The following GCC2 variants were observed in gnomAD, a reference collection of about 807,000 sequenced individuals.
The protein encoded by GCC2 is GRIP and coiled-coil domain-containing protein 2.
Under a neutral mutation model 210.6 loss-of-function variants are expected in GCC2, and 120 were observed. That is an observed-to-expected ratio of 0.57 (90% confidence interval 0.49 to 0.66). GCC2 has a LOEUF of 0.66. Ranked by LOEUF, GCC2 falls within the 30% of genes least tolerant of loss-of-function variation. The pLI is 0.00. For synonymous variants in GCC2, 703 were observed against 652.7 expected (o/e 1.08, Z -1.17); for missense variants, 1,868 against 1,871.9 (o/e 1.00, Z 0.04).
intron 20 of GCC2, 166 bp downstream of exon 20, chr2:108,495,651 G>C (rs972784908): frequency 2.9e-5 from 13 of 444,852 alleles, no homozygotes; most frequent in Admixed American, 7.4e-5. Flanking sequence ...GAACTAATTG[G>C]ATGGTTGGAT....
chr2:108,456,599 G>A (rs1165903965), intron 4 of GCC2, among the ~76,000 whole-genome samples: 1 of 151,946 alleles, frequency 6.6e-6, no homozygotes, highest in African/African-American at 2.4e-5. Flanking sequence ...GTCCCATATT[G>A]GATGAGTAGA....
chr2:108,465,304 C>T (rs1305053666), intron 4 of GCC2, among the ~76,000 whole-genome samples: 1 of 152,218 alleles, frequency 6.6e-6, no homozygotes, highest in Non-Finnish European at 1.5e-5. Flanking sequence ...TAATCAGCCA[C>T]CTTTTGAAGC....
intron 22 of GCC2, 157 bp from the exon 23 acceptor site, chr2:108,507,403 G>GA (rs1207945824): frequency 2.4e-4 from 84 of 353,296 alleles, no homozygotes; most frequent in East Asian, 1.7e-3. Flanking sequence ...CAAAAAAAAA[G>GA]AACCCCCCCC....
chr2:108,490,127 AT>A, intron 18 of GCC2, 113 bp downstream of exon 18: 1 of 767,726 alleles, frequency 1.3e-6, no homozygotes, highest in Non-Finnish European at 1.9e-6. Context: ...AAAAATAGAC[AT>A]TTCTAAAGGC....
rs1452090498 is a variant in GCC2 at position 108,470,148 on chromosome 2, G to C, written c.819G>C (p.Leu273Phe). ...AKEHEAEINK[L>F]NELKENLVKQ... Reference sequence around the variant, plus strand: ...AACATGAAGCAGAGATAAATAAGTTGAACGAGCTAAAAGAGAACTTAGTAA... The same window carrying C: ...AACATGAAGCAGAGATAAATAAGTTCAACGAGCTAAAAGAGAACTTAGTAA... Residue 273 changes from leucine to phenylalanine, a missense_variant, in exon 6 of 23, where the codon TTG (leucine) becomes TTC (phenylalanine). By Grantham distance (22) the Leu-to-Phe change is conservative. Around this residue, in one of 3 missense-constraint regions of GCC2, gnomAD observed 1,847 missense variants for 1,765.2 expected, o/e 1.05. Transcript: ENST00000309863. 6.2e-7 allele frequency: 1 copy of C among 1,613,538 alleles called. No individual in the cohort carries two copies. Among genetic ancestry groups the C allele is most frequent in the East Asian group, 2.2e-5 (1 of 44,848 alleles).
intron 4 of GCC2, among the ~76,000 whole-genome samples, chr2:108,466,713 C>T (rs1198110027): frequency 1.3e-5 from 2 of 151,992 alleles, no homozygotes; most frequent in Non-Finnish European, 2.9e-5. Context: ...ACCTCATGAT[C>T]CACCCACCTC....
intron 7 of GCC2, 99 bp from the exon 8 acceptor site, chr2:108,475,436 C>A: frequency 1.9e-6 from 1 of 526,172 alleles, no homozygotes; most frequent in Non-Finnish European, 3.4e-6. Flanking sequence ...ATCAAATTAC[C>A]AATTTTGTGC....
intron 10 of GCC2, 123 bp downstream of exon 10, chr2:108,481,939 C>T (rs1305580176): frequency 1.5e-6 from 1 of 650,464 alleles, no homozygotes; most frequent in South Asian, 2.4e-5. Context: ...CCACTTTACC[C>T]TCCTTCCCAC....
rs558597565 is a variant in GCC2, at chr2:108,473,390, A to T, written c.2860+491A>T. On this transcript the variant is annotated intron_variant, in intron 7 of 22. Coordinates refer to ENST00000309863, the MANE Select transcript of GCC2 (RefSeq NM_181453.4). Reference sequence around the variant, plus strand: ...AATGAGAAATTTTACACAGGAAGAAAGGTATTCTAGGAAGAAGGAAGAGCA... The same window carrying T: ...AATGAGAAATTTTACACAGGAAGAATGGTATTCTAGGAAGAAGGAAGAGCA... The T allele has an allele frequency of 3.3e-5, 5 of 152,446 alleles. No homozygotes were observed. In the South Asian group the frequency reaches 6.2e-4, roughly 19 times the overall value. The allele number at this position is 152,446 out of a possible 1,614,324, so 9.4% of individuals were successfully genotyped here.
At position 108,475,595 on chromosome 2, in the gene GCC2, C is replaced by T; in HGVS notation, c.2921C>T (p.Ala974Val). The change falls in exon 8 of 23, where the codon GCC (alanine) becomes GTC (valine). Residue 974 changes from alanine to valine, a missense_variant. Ala to Val is a moderately conservative substitution (Grantham distance 64, BLOSUM62 0). Transcript: ENST00000309863. ...EEKINKIKLVAVKAKKELDSS... is the reference protein window; with the variant it reads ...EEKINKIKLVVVKAKKELDSS... ...AAAATAAATAAGATAAAATTAGTTG[C>T]CGTAAAGGCAAAGAAAGAACTAGAT... 1 of 1,536,480 alleles carries T rather than the reference C, an allele frequency of 6.5e-7. No individual in the cohort carries two copies. The highest frequency in any genetic ancestry group is 1.3e-5 in the South Asian group (1 of 79,110).
intron 4 of GCC2, among the ~76,000 whole-genome samples, chr2:108,459,861 C>G (rs944142825): frequency 2.1e-5 from 3 of 144,442 alleles, no homozygotes; most frequent in African/African-American, 7.7e-5. Context: ...ACCTGGAATG[C>G]AGAGGTTGTA....
In GCC2 at chr2:108,469,805, C is replaced by T. The variant is rs1170704241; in HGVS notation, c.476C>T (p.Ala159Val). Reference sequence around the variant, plus strand: ...AACTTACAAAAGCAGCTGGAAGAAGCAATGAATACGCAATTAGAACTTTCA... The same window carrying T: ...AACTTACAAAAGCAGCTGGAAGAAGTAATGAATACGCAATTAGAACTTTCA... ...KANLQKQLEE[A>V]MNTQLELSEQ... Residue 159 changes from alanine (A) to valine (V), a missense_variant, in exon 6 of 23, where the codon GCA becomes GTA. Physicochemically the swap from Ala to Val is moderately conservative, Grantham distance 64 (BLOSUM62 0). Coordinates refer to ENST00000309863, the MANE Select transcript of GCC2 (RefSeq NM_181453.4). The T allele has an allele frequency of 2.5e-6, 4 of 1,613,622 alleles. No individual in the cohort carries two copies. Among genetic ancestry groups the T allele is most frequent in the East Asian group, 2.2e-5 (1 of 44,846 alleles).
At chr2:108,475,363 TCA>T (rs1250637776) in intron 7 of GCC2, 170 bp from the exon 8 acceptor site, 5 of 435,280 alleles carry the variant, frequency 1.1e-5, no homozygotes, top group African/African-American at 8.3e-5. Context: ...ATTGTTTGTC[TCA>T]CATAATGAAT....
intron 4 of GCC2, among the ~76,000 whole-genome samples, chr2:108,466,097 A>G (rs1385478641): frequency 6.6e-6 from 1 of 152,188 alleles, no homozygotes. Flanking sequence ...AGAAATGTCT[A>G]TTCATGTCCT....
At chr2:108,487,473 C>G (rs902473216) in intron 16 of GCC2, among the ~76,000 whole-genome samples, 3 of 152,098 alleles carry the variant, frequency 2.0e-5, no homozygotes, top group East Asian at 3.8e-4. Flanking sequence ...ATATCACATG[C>G]ACCCCATAAA....
Position 108,495,356 on chromosome 2 carries a change from C to G in GCC2, c.4513C>G (p.Leu1505Val), listed in dbSNP as rs766115496. The change falls in exon 20 of 23, where the codon CTA becomes GTA. Residue 1505 changes from leucine to valine, a missense_variant. Coordinates refer to ENST00000309863, the MANE Select transcript of GCC2 (RefSeq NM_181453.4). ...RERRNTDLPL[L>V]DMHTVTREEG... ...AAGGAGAAACACAGACCTCCCGCTT[C>G]TAGACATGCACACTGTAACCCGGGA... The G allele has an allele frequency of 6.3e-7, 1 of 1,578,466 alleles. No individual in the cohort carries two copies. Among genetic ancestry groups the G allele is most frequent in the Non-Finnish European group, 8.6e-7 (1 of 1,164,420 alleles).
chr2:108,489,205 A>G (rs10496422), intron 17 of GCC2, among the ~76,000 whole-genome samples: 9,646 of 152,274 alleles, frequency 0.063, 427 homozygotes, highest in South Asian at 0.17. Context: ...TACCATTCTT[A>G]TAACAACAAT....
chr2:108,488,500 A>C (rs547136986), intron 17 of GCC2, among the ~76,000 whole-genome samples: 1 of 152,240 alleles, frequency 6.6e-6, no homozygotes, highest in Non-Finnish European at 1.5e-5. Flanking sequence ...TAAAATGCTA[A>C]GCATACTTAT....
chr2:108,461,109 T>C (rs1000379788), intron 4 of GCC2, among the ~76,000 whole-genome samples: 1 of 152,338 alleles, frequency 6.6e-6, no homozygotes, highest in South Asian at 2.1e-4. Context: ...ATCAGACTAA[T>C]ACACTTTGGC....
Sources: allele counts gnomAD v4.1 joint callset (sites outside exome capture counted in the v4.1 genomes callset), GRCh38; gene constraint gnomAD v4.1.1; regional missense constraint gnomAD v4.1.1; transcripts MANE v1.5; gene names NCBI Gene and HGNC (gene_info 2026-07-23, HGNC 2026-07-21).